The following IFT25 variants were observed in gnomAD, a reference collection of about 807,000 sequenced individuals.
IFT25 encodes intraflagellar transport 25.
the IFT25 span, chr1:53,930,078 G>A: frequency 6.4e-7 from 1 of 1,573,722 alleles, no homozygotes; most frequent in Non-Finnish European, 8.6e-7. Context: ...ATCCTTACAT[G>A]TTTGTGGAAA....
At chr1:53,917,275 C>A in the IFT25 span, among the ~76,000 whole-genome samples, 1 of 152,112 alleles carries the variant, frequency 6.6e-6, no homozygotes, top group South Asian at 2.1e-4. Flanking sequence ...TAATTTATTG[C>A]CACATTTGCT....
chr1:53,916,195 A>G, the IFT25 span, among the ~76,000 whole-genome samples: 1 of 151,530 alleles, frequency 6.6e-6, no homozygotes, highest in Non-Finnish European at 1.5e-5. Flanking sequence ...AAAAAAAAAA[A>G]GAGGTGATTG....
At chr1:53,941,898 G>A in the IFT25 span, among the ~76,000 whole-genome samples, 1 of 152,112 alleles carries the variant, frequency 6.6e-6, no homozygotes, top group Admixed American at 6.5e-5. Context: ...AGCTTCTCAA[G>A]ATACCCTGTG....
chr1:53,915,058 A>C, the IFT25 span, among the ~76,000 whole-genome samples: 2 of 152,222 alleles, frequency 1.3e-5, no homozygotes, highest in African/African-American at 4.8e-5. Context: ...CCAAAAATTC[A>C]TATATTGTTG....
the IFT25 span, among the ~76,000 whole-genome samples, chr1:53,913,520 G>A: frequency 0.014 from 2,153 of 152,278 alleles, 27 homozygotes; most frequent in Non-Finnish European, 0.021. Flanking sequence ...GGCGCAATCT[G>A]CAACTTTCAT....
At chr1:53,939,857 A>C in the IFT25 span, 1 of 639,708 alleles carries the variant, frequency 1.6e-6, no homozygotes, top group South Asian at 1.9e-5. Context: ...CCAAAAGTGG[A>C]TATCAGGTAA....
chr1:53,940,694 A>G, the IFT25 span, among the ~76,000 whole-genome samples: 909 of 152,242 alleles, frequency 6.0e-3, 9 homozygotes, highest in African/African-American at 0.021. Flanking sequence ...TAAAATTTTT[A>G]AAAATTTTCA....
the IFT25 span, chr1:53,928,490 T>C: frequency 7.3e-7 from 1 of 1,379,220 alleles, no homozygotes; most frequent in South Asian, 1.2e-5. Flanking sequence ...TGTATGTTTT[T>C]GTCCCTATAT....
chr1:53,944,987 G>C, the IFT25 span, among the ~76,000 whole-genome samples: 1 of 152,134 alleles, frequency 6.6e-6, no homozygotes, highest in Non-Finnish European at 1.5e-5. Context: ...CTTTCTTCAA[G>C]CATCATCCAT....
At chr1:53,923,699 G>A in the IFT25 span, 29 of 438,298 alleles carry the variant, frequency 6.6e-5, no homozygotes, top group African/African-American at 2.7e-4. Context: ...TTATCTTGCC[G>A]TCACTCTCTA....
the IFT25 span, chr1:53,940,178 C>T: frequency 9.9e-6 from 7 of 704,350 alleles, no homozygotes; most frequent in East Asian, 1.8e-4. Flanking sequence ...GAAGGAAAGG[C>T]TGTTGCCTAG....
At chr1:53,920,409 T>TTCC in the IFT25 span, among the ~76,000 whole-genome samples, 129 of 150,582 alleles carry the variant, frequency 8.6e-4, no homozygotes, top group African/African-American at 3.2e-3. Flanking sequence ...TTTTTTTTTT[T>TTCC]CTAATAAGAG....
the IFT25 span, among the ~76,000 whole-genome samples, chr1:53,944,232 C>T: frequency 6.6e-6 from 1 of 152,178 alleles, no homozygotes; most frequent in African/African-American, 2.4e-5. Flanking sequence ...AATGCCAGGC[C>T]TGGTGACTCG....
At chr1:53,937,923 G>A in the IFT25 span, among the ~76,000 whole-genome samples, 3 of 151,996 alleles carry the variant, frequency 2.0e-5, no homozygotes, top group Non-Finnish European at 2.9e-5. Flanking sequence ...GAAGAAAGAA[G>A]GGACACAGGC....
chr1:53,933,423 C>T, the IFT25 span, among the ~76,000 whole-genome samples: 2 of 152,298 alleles, frequency 1.3e-5, no homozygotes, highest in African/African-American at 2.4e-5. Context: ...CGTGAGCCAC[C>T]GCACCCAGCT....
the IFT25 span, among the ~76,000 whole-genome samples, chr1:53,912,796 A>C: frequency 6.6e-6 from 1 of 152,220 alleles, no homozygotes; most frequent in South Asian, 2.1e-4. Flanking sequence ...TTGGGCATGC[A>C]ACAAAATCAC....
At chr1:53,945,480 C>T in the IFT25 span, 1 of 152,688 alleles carries the variant, frequency 6.5e-6, no homozygotes, top group African/African-American at 2.4e-5. Flanking sequence ...CCACCAACAT[C>T]CCCGTCCTTC....
At chr1:53,915,543 G>T in the IFT25 span, among the ~76,000 whole-genome samples, 1 of 152,072 alleles carries the variant, frequency 6.6e-6, no homozygotes, top group Non-Finnish European at 1.5e-5. Flanking sequence ...CAGAACACAG[G>T]GTGACTGCGT....
At chr1:53,928,339 T>G in the IFT25 span, 1 of 1,534,050 alleles carries the variant, frequency 6.5e-7, no homozygotes, top group Non-Finnish European at 9.0e-7. Context: ...ATCTACTCCT[T>G]CATGCTCAGA....
Sources: allele counts gnomAD v4.1 joint callset (sites outside exome capture counted in the v4.1 genomes callset), GRCh38; gene constraint gnomAD v4.1.1; transcripts MANE v1.5; gene names NCBI Gene and HGNC (gene_info 2026-07-23, HGNC 2026-07-21).